Variants in FARP2 observed in about 807,000 individuals in gnomAD.
FARP2 encodes the protein FERM, ARH/RhoGEF and pleckstrin domain protein 2, also known as FERM, ARHGEF and pleckstrin domain-containing protein 2.
In FARP2, 111 loss-of-function variants were observed where a neutral mutation model predicts 130.5. That is an observed-to-expected ratio of 0.85 (90% CI 0.73 to 1.00). The LOEUF is 1.00. FARP2 is among the 50% of genes least tolerant of loss of function. The pLI is 0.00. For synonymous variants in FARP2, 504 were observed against 516.9 expected (o/e 0.98, Z 0.34); for missense variants, 1,385 against 1,346.3 (o/e 1.03, Z -0.45).
chr2:241,474,543 C>A (rs1156301378), intron 18 of FARP2, among the ~76,000 whole-genome samples: 1 of 151,626 alleles, frequency 6.6e-6, no homozygotes, highest in African/African-American at 2.4e-5. Flanking sequence ...ATAATCCCAG[C>A]ACTTTGGGAG....
At chr2:241,382,290 C>CTCTTTTT (rs1553709361) in intron 2 of FARP2, among the ~76,000 whole-genome samples, 7 of 127,198 alleles carry the variant, frequency 5.5e-5, no homozygotes, top group Non-Finnish European at 8.5e-5. Flanking sequence ...TGTACAAAAT[C>CTCTTTTT]TATTTTTTTT....
Position 241,456,838 on chromosome 2 carries a change from T to A in FARP2, c.1503T>A (p.Ala501=), listed in dbSNP as rs1214576491. 1.2e-6 allele frequency: 2 copies of A among 1,614,054 alleles called. No individual in the cohort carries two copies. The highest frequency in any genetic ancestry group is 3.3e-5 in the Admixed American group (2 of 60,022). ...CATTTCAGGTGCCTTTGGGCCCAGC[T>A]GAACAGGGCTCATCCCCACTCCTGA... ...SPAFQVPLGP[A]EQGSSPLLSP... is the part of the protein sequence containing the mutation. Residue 501 remains alanine (A), a synonymous_variant, in exon 14 of 27, where the codon GCT becomes GCA. Transcript: ENST00000264042.
chr2:241,380,363 A>G (rs1187593372), intron 2 of FARP2, among the ~76,000 whole-genome samples: 3 of 151,874 alleles, frequency 2.0e-5, no homozygotes, highest in Non-Finnish European at 4.4e-5. Flanking sequence ...CAACTCAGAA[A>G]CCCCTTGATC....
At chr2:241,429,256 G>A (rs932573877) in intron 8 of FARP2, among the ~76,000 whole-genome samples, 1 of 150,952 alleles carries the variant, frequency 6.6e-6, no homozygotes, top group African/African-American at 2.4e-5. Context: ...TTGTCTCAGT[G>A]TTGTTTACTA....
At chr2:241,462,643 T>G in intron 15 of FARP2, 31 bp downstream of exon 15, 4 of 1,428,922 alleles carry the variant, frequency 2.8e-6, no homozygotes, top group Non-Finnish European at 3.9e-6. Context: ...TTTGATTTTT[T>G]TTTAAAATAA....
At position 241,493,462 on chromosome 2, in the gene FARP2, A is replaced by C; in HGVS notation, c.3047+18A>C. 6.2e-7 allele frequency: 1 copy of C among 1,612,332 alleles called. No homozygotes were observed. Among genetic ancestry groups the C allele is most frequent in the Non-Finnish European group, 8.5e-7 (1 of 1,178,816 alleles). On this transcript the variant is annotated intron_variant, in intron 26 of 26. Transcript: ENST00000264042. ...TTTGAAAGGTAATTTTGCAGGAGGCAGCCCTGGTCAGCTGCCCATTTCGAT... is the reference window on the plus strand; with the variant it reads ...TTTGAAAGGTAATTTTGCAGGAGGCCGCCCTGGTCAGCTGCCCATTTCGAT...
chr2:241,406,965 G>A (rs943509775), intron 4 of FARP2, among the ~76,000 whole-genome samples: 11 of 151,850 alleles, frequency 7.2e-5, no homozygotes, highest in Admixed American at 3.3e-4. Context: ...CCGCCACCAC[G>A]CCCGGCTAAT....
intron 15 of FARP2, 45 bp downstream of exon 15, chr2:241,462,657 T>C: frequency 8.1e-7 from 1 of 1,231,082 alleles, no homozygotes; most frequent in Non-Finnish European, 1.2e-6. Flanking sequence ...AAAATAAATC[T>C]CTCATCTGAA....
At chr2:241,434,628 G>T (rs1009960839) in intron 10 of FARP2, among the ~76,000 whole-genome samples, 1 of 152,184 alleles carries the variant, frequency 6.6e-6, no homozygotes, top group Non-Finnish European at 1.5e-5. Context: ...AAGGCGGGTG[G>T]ATCATTTGAG....
At chr2:241,411,881 G>T (rs1444162221) in intron 6 of FARP2, among the ~76,000 whole-genome samples, 1 of 152,248 alleles carries the variant, frequency 6.6e-6, no homozygotes, top group Non-Finnish European at 1.5e-5. Flanking sequence ...TTTATTATGG[G>T]TTTGCTATCC....
chr2:241,465,393 G>A, intron 17 of FARP2: 2 of 1,246,346 alleles, frequency 1.6e-6, no homozygotes, highest in South Asian at 1.3e-5. Context: ...CATAGCTGCT[G>A]TGGGGAGGGC....
chr2:241,423,613 A>G (rs1327204524), intron 8 of FARP2, among the ~76,000 whole-genome samples: 1 of 152,242 alleles, frequency 6.6e-6, no homozygotes, highest in African/African-American at 2.4e-5. Context: ...ATATAACAAT[A>G]TTAACCTTAA....
At chr2:241,457,318 CA>C (rs1398415816) in intron 14 of FARP2, among the ~76,000 whole-genome samples, 1 of 151,794 alleles carries the variant, frequency 6.6e-6, no homozygotes, top group Non-Finnish European at 1.5e-5. Flanking sequence ...CCTGCTTGGT[CA>C]AGCTTCTACT....
chr2:241,363,597 CA>C (rs777091255), intron 1 of FARP2, among the ~76,000 whole-genome samples: 26 of 152,194 alleles, frequency 1.7e-4, no homozygotes, highest in Non-Finnish European at 3.4e-4. Flanking sequence ...AACAGGTTGC[CA>C]AAGACGGAAC....
intron 1 of FARP2, among the ~76,000 whole-genome samples, chr2:241,358,297 G>A (rs576529363): frequency 2.8e-4 from 43 of 152,336 alleles, no homozygotes; most frequent in African/African-American, 9.4e-4. Flanking sequence ...CAAATAATCC[G>A]AGTAGAAAGT....
Position 241,493,332 on chromosome 2 carries a change from A to G in FARP2, c.2935A>G (p.Ser979Gly), listed in dbSNP as rs368809020. The G allele has an allele frequency of 1.2e-6, 2 of 1,613,920 alleles. No individual in the cohort carries two copies. The highest frequency in any genetic ancestry group is 1.7e-6 in the Non-Finnish European group (2 of 1,180,026). Residue 979 changes from serine (S) to glycine (G), a missense_variant, in exon 26 of 27, where the codon AGC (serine) becomes GGC (glycine). Physicochemically the swap from Ser to Gly is moderately conservative, Grantham distance 56. Transcript: ENST00000264042. ...GGCCAGCCTCCCGCTGCTGGGCTAC[A>G]GCGTGAGCATCCCCAGGGAGGCCGA... Reference protein sequence around the residue: ...PLASLPLLGYSVSIPREADGI... With the variant: ...PLASLPLLGYGVSIPREADGI...
chr2:241,453,431 G>C (rs537461301), intron 13 of FARP2, among the ~76,000 whole-genome samples: 2 of 151,782 alleles, frequency 1.3e-5, no homozygotes, highest in Admixed American at 6.6e-5. Context: ...GACCATCCTG[G>C]CTAACATGGT....
intron 2 of FARP2, among the ~76,000 whole-genome samples, chr2:241,401,818 C>CTT (rs36065346): frequency 0.78 from 117,611 of 151,304 alleles, 45,874 homozygotes; most frequent in Middle Eastern, 0.85. Flanking sequence ...GAGTTTCGCT[C>CTT]GTCGCCCAGG....
At position 241,434,135 on chromosome 2, in the gene FARP2, T is replaced by C. The variant is rs750181694; in HGVS notation, c.868-23T>C. On this transcript the variant is annotated intron_variant, in intron 9 of 26. Coordinates refer to ENST00000264042, the MANE Select transcript of FARP2 (RefSeq NM_014808.4). ...TCCAATACTTCATTCTTGAATTAAT[T>C]AACCTTTGTGTTTTGTTTCTAGGGA... 3.2e-6 allele frequency: 5 copies of C among 1,567,466 alleles called. No homozygotes were observed. The Admixed American group carries it at 9.3e-5, about 29-fold the overall frequency.
Sources: gnomAD v4.1 joint callset for allele counts (sites outside exome capture counted in the v4.1 genomes callset) on GRCh38, gnomAD v4.1.1 for gene constraint, MANE v1.5 for transcripts, NCBI Gene and HGNC (gene_info 2026-07-23, HGNC 2026-07-21) for gene names.